The following USP37 variants were observed in gnomAD, a reference collection of about 807,000 sequenced individuals.
The protein encoded by USP37 is ubiquitin specific peptidase 37.
In USP37, 27 loss-of-function variants were observed where a neutral mutation model predicts 124.0. The ratio of observed to expected loss-of-function variants is 0.22; its 90% confidence interval spans 0.16 to 0.30. The LOEUF (loss-of-function observed/expected upper bound fraction) is 0.30. USP37 is among the 10% of genes least tolerant of loss of function. The pLI, the probability that USP37 is intolerant of heterozygous loss-of-function variation, is 1.00. For synonymous variants in USP37, 365 were observed against 388.0 expected (o/e 0.94, Z 0.70); for missense variants, 889 against 1,140.4 (o/e 0.78, Z 3.17).
chr2:218,525,672 A>G (rs1315351724), intron 10 of USP37, among the ~76,000 whole-genome samples: 1 of 152,184 alleles, frequency 6.6e-6, no homozygotes. Flanking sequence ...GGTAGCTTCT[A>G]AAATTTTACA....
At chr2:218,482,997 A>C (rs1445780952) in intron 16 of USP37, among the ~76,000 whole-genome samples, 1 of 152,166 alleles carries the variant, frequency 6.6e-6, no homozygotes, top group Non-Finnish European at 1.5e-5. Flanking sequence ...AGGCACACAC[A>C]CAAAAATGAT....
intron 19 of USP37, 175 bp from the exon 20 acceptor site, chr2:218,475,060 A>G: frequency 4.0e-6 from 2 of 498,180 alleles, no homozygotes; most frequent in South Asian, 9.9e-5. Flanking sequence ...CTTTAAAAAT[A>G]ATAAATACAT....
chr2:218,566,849 T>A (rs1213052664), intron 1 of USP37, among the ~76,000 whole-genome samples: 4 of 152,082 alleles, frequency 2.6e-5, no homozygotes, highest in Non-Finnish European at 5.9e-5. Context: ...AGAGTAGAAG[T>A]CAAGAATGCC....
At chr2:218,485,410 T>C (rs1021966957) in intron 16 of USP37, among the ~76,000 whole-genome samples, 1 of 152,036 alleles carries the variant, frequency 6.6e-6, no homozygotes, top group African/African-American at 2.4e-5. Flanking sequence ...TACCTCAGCC[T>C]CCCAAAGTGC....
chr2:218,506,286 C>CTTTTTTTTTTTTTTTTTTT (rs60620765), intron 11 of USP37, among the ~76,000 whole-genome samples: 1 of 72,618 alleles, frequency 1.4e-5, no homozygotes, highest in Non-Finnish European at 2.4e-5. Flanking sequence ...TTCTTTCTGG[C>CTTTTTTTTTTTTTTTTTTT]TTTTTTTTTT....
At chr2:218,520,266 T>G (rs1417574451) in intron 10 of USP37, among the ~76,000 whole-genome samples, 1 of 152,178 alleles carries the variant, frequency 6.6e-6, no homozygotes, top group East Asian at 1.9e-4. Context: ...ATTTTTATAT[T>G]TGTTAATTTT....
rs114021705 is a variant in USP37 at position 218,514,840 on chromosome 2, C to T, written c.864-4700G>A. Among the ~76,000 whole-genome samples the T allele has an allele frequency of 7.0e-3, 1,063 of 152,248 alleles. 14 individuals are homozygous for T. Among genetic ancestry groups the T allele is most frequent in the African/African-American group, 0.025 (1,021 of 41,534 alleles). On this transcript the variant is annotated intron_variant, in intron 10 of 25. Coordinates refer to ENST00000258399, the MANE Select transcript of USP37 (RefSeq NM_020935.3). ...TCTTCTGTTAGGAGAGCTCTTCAGT[C>T]TCTACACATTCATTCATTCATTTCA... is the stretch of plus-strand genomic sequence containing the variant.
At chr2:218,471,462 G>A (rs576404448) in intron 20 of USP37, among the ~76,000 whole-genome samples, 1 of 152,262 alleles carries the variant, frequency 6.6e-6, no homozygotes, top group South Asian at 2.1e-4. Flanking sequence ...CTCTCTAAGT[G>A]ATCTCATGTA....
intron 14 of USP37, among the ~76,000 whole-genome samples, chr2:218,495,559 G>C (rs1689039796): frequency 6.6e-6 from 1 of 152,186 alleles, no homozygotes. Flanking sequence ...GGGAGGCTGA[G>C]GTAGGAGGAT....
chr2:218,557,426 G>A (rs183733016), intron 4 of USP37, among the ~76,000 whole-genome samples: 1 of 151,840 alleles, frequency 6.6e-6, no homozygotes, highest in African/African-American at 2.4e-5. Context: ...ATATGCATGT[G>A]ACAAACTACT....
chr2:218,499,302 A>C (rs983637287), intron 11 of USP37, among the ~76,000 whole-genome samples: 4 of 151,370 alleles, frequency 2.6e-5, no homozygotes, highest in African/African-American at 4.9e-5. Flanking sequence ...ACAAAAAAAA[A>C]CCTTTTAATT....
intron 23 of USP37, among the ~76,000 whole-genome samples, chr2:218,459,324 C>A (rs1213115936): frequency 6.6e-6 from 1 of 152,202 alleles, no homozygotes; most frequent in Non-Finnish European, 1.5e-5. Context: ...CCTGCCTCAG[C>A]CTCCCAAATA....
chr2:218,527,545 G>A (rs886443879), intron 10 of USP37, among the ~76,000 whole-genome samples: 1 of 152,106 alleles, frequency 6.6e-6, no homozygotes, highest in Non-Finnish European at 1.5e-5. Flanking sequence ...CACCAATCTG[G>A]AAATTTTCAC....
At chr2:218,535,625 G>T (rs1691586763) in intron 8 of USP37, among the ~76,000 whole-genome samples, 1 of 151,982 alleles carries the variant, frequency 6.6e-6, no homozygotes, top group African/African-American at 2.4e-5. Flanking sequence ...GGGAGGCCGA[G>T]GCAGGTGAAT....
intron 1 of USP37, among the ~76,000 whole-genome samples, chr2:218,563,857 C>G (rs1693444115): frequency 6.6e-6 from 1 of 152,056 alleles, no homozygotes; most frequent in Non-Finnish European, 1.5e-5. Context: ...AGTTCGAGAC[C>G]AGCCTGGCCA....
chr2:218,503,963 C>T (rs1255264218), intron 11 of USP37, among the ~76,000 whole-genome samples: 1 of 152,042 alleles, frequency 6.6e-6, no homozygotes, highest in African/African-American at 2.4e-5. Context: ...ACTGGATGAT[C>T]TAATCATAAA....
At chr2:218,561,837 C>G (rs989534795) in intron 2 of USP37, among the ~76,000 whole-genome samples, 4 of 152,268 alleles carry the variant, frequency 2.6e-5, no homozygotes, top group Admixed American at 2.0e-4. Context: ...GCTTACCTGT[C>G]TATTCCCAAT....
At chr2:218,481,080 C>G (rs1691248320) in intron 17 of USP37, among the ~76,000 whole-genome samples, 1 of 152,076 alleles carries the variant, frequency 6.6e-6, no homozygotes, top group African/African-American at 2.4e-5. Flanking sequence ...ATTATTCTAC[C>G]AAACTAGTGT....
chr2:218,564,291 C>T (rs1316280839), intron 1 of USP37, among the ~76,000 whole-genome samples: 3 of 152,184 alleles, frequency 2.0e-5, no homozygotes, highest in African/African-American at 7.2e-5. Context: ...CTAAGCAGTG[C>T]TAAATGCCAT....
Sources: gnomAD v4.1 joint callset for allele counts (sites outside exome capture counted in the v4.1 genomes callset) on GRCh38, gnomAD v4.1.1 for gene constraint, MANE v1.5 for transcripts, NCBI Gene and HGNC (gene_info 2026-07-23, HGNC 2026-07-21) for gene names.